CCDC102B: variants seen among roughly 807,000 people sequenced by gnomAD.
CCDC102B encodes the protein coiled-coil domain-containing protein 102B.
In CCDC102B, 75 loss-of-function variants were observed where a neutral mutation model predicts 57.4. The ratio of observed to expected loss-of-function variants is 1.31; its 90% confidence interval spans 1.08 to 1.58. The LOEUF is 1.58. Ranked by LOEUF, CCDC102B falls within the 40% of genes most tolerant of loss-of-function variation. The pLI is 0.00. For synonymous variants in CCDC102B, 206 were observed against 201.9 expected, an observed-to-expected ratio of 1.02 and a Z score of -0.17; for missense variants, 636 against 582.6, an observed-to-expected ratio of 1.09 and a Z score of -0.94.
chr18:68,997,729 AC>A lies in CCDC102B; in HGVS notation c.1264-13204del, dbSNP rs1156639471. 2.6e-5 allele frequency among the ~76,000 whole-genome samples: 4 copies of A among 151,912 alleles called. No individual in the cohort carries two copies. In the East Asian group the frequency reaches 7.7e-4, roughly 29 times the overall value. On this transcript the variant is annotated intron_variant, in intron 6 of 7. Transcript: ENST00000360242. Reference sequence around the variant, plus strand: ...CATCCGTGTCTTTTTAATTTCTAGAACTTTATGTAGCTTTTTAGAAAGTTCT... The same window carrying A: ...CATCCGTGTCTTTTTAATTTCTAGAATTTATGTAGCTTTTTAGAAAGTTCT...
At chr18:68,802,560 C>T (rs563457631) in intron 1 of CCDC102B, among the ~76,000 whole-genome samples, 1 of 152,092 alleles carries the variant, frequency 6.6e-6, no homozygotes, top group Non-Finnish European at 1.5e-5. Context: ...TGGATTAGAA[C>T]TAGGAGGGCT....
chr18:68,923,959 T>G (rs17079894), intron 6 of CCDC102B, among the ~76,000 whole-genome samples: 4,427 of 152,150 alleles, frequency 0.029, 118 homozygotes, highest in African/African-American at 0.069. Flanking sequence ...GCTATTATAC[T>G]TTCCTGAAAT....
chr18:68,855,495 C>A (rs1400088023), intron 4 of CCDC102B, among the ~76,000 whole-genome samples: 5 of 152,142 alleles, frequency 3.3e-5, no homozygotes, highest in Non-Finnish European at 5.9e-5. Flanking sequence ...TCATACAATT[C>A]ACCCACTTAA....
intron 2 of CCDC102B, among the ~76,000 whole-genome samples, chr18:68,788,550 T>C (rs1292258261): frequency 2.6e-5 from 4 of 151,118 alleles, no homozygotes; most frequent in Admixed American, 2.0e-4. Context: ...TAGTTAGCTC[T>C]TCTTGTTGAA....
chr18:68,862,890 CA>C (rs1354295918), intron 4 of CCDC102B, among the ~76,000 whole-genome samples: 3 of 152,022 alleles, frequency 2.0e-5, no homozygotes, highest in African/African-American at 7.2e-5. Context: ...ATTTTAATCT[CA>C]TGAACAGTAC....
Position 68,954,552 on chromosome 18 carries a change from G to A in CCDC102B, c.1264-56382G>A, listed in dbSNP as rs541238290. ...TTTGTATTCCTTTATTTGATATTGT[G>A]GAAATAATTGAATGGATATAAAAAT... On this transcript the variant is annotated intron_variant, in intron 6 of 7. Transcript: ENST00000360242. Among the ~76,000 whole-genome samples the A allele has an allele frequency of 4.6e-5, 7 of 152,212 alleles. No homozygotes were observed. The East Asian group carries it at 1.4e-3, about 29-fold the overall frequency.
intron 1 of CCDC102B, among the ~76,000 whole-genome samples, chr18:68,825,207 A>G (rs1046274272): frequency 6.6e-6 from 1 of 152,220 alleles, no homozygotes; most frequent in Non-Finnish European, 1.5e-5. Context: ...GATGAAACTG[A>G]CATGCTTAAA....
intron 6 of CCDC102B, among the ~76,000 whole-genome samples, chr18:68,911,356 T>G (rs1455904163): frequency 6.6e-6 from 1 of 152,154 alleles, no homozygotes; most frequent in East Asian, 1.9e-4. Context: ...ATAAAGCATG[T>G]TCTCACTTAC....
chr18:68,927,744 A>G (rs2041523416), intron 6 of CCDC102B, among the ~76,000 whole-genome samples: 1 of 151,940 alleles, frequency 6.6e-6, no homozygotes, highest in South Asian at 2.1e-4. Flanking sequence ...AGTTCATTGG[A>G]GAAGAGGGGT....
chr18:69,054,064 A>G lies in CCDC102B; in HGVS notation c.1469A>G (p.Gln490Arg). The G allele has an allele frequency of 6.2e-7, 1 of 1,607,526 alleles. No individual in the cohort carries two copies. Among genetic ancestry groups the G allele is most frequent in the Non-Finnish European group, 8.5e-7 (1 of 1,178,156 alleles). Residue 490 changes from glutamine (Q) to arginine (R), a missense_variant, in exon 8 of 8, where the codon CAG (glutamine) becomes CGG (arginine). Physicochemically the swap from Gln to Arg is conservative, Grantham distance 43. Coordinates refer to ENST00000360242, the MANE Select transcript of CCDC102B (RefSeq NM_024781.3). ...DDSLNQIRKLQRSLDEEKERN... is the reference protein window; with the variant it reads ...DDSLNQIRKLRRSLDEEKERN... ...TCCCTGAATCAGATCCGTAAGCTCC[A>G]GAGGTCTCTGGATGAAGAGAAAGAA...
At chr18:68,880,865 G>A (rs1036206794) in intron 5 of CCDC102B, among the ~76,000 whole-genome samples, 4 of 152,106 alleles carry the variant, frequency 2.6e-5, no homozygotes, top group Non-Finnish European at 4.4e-5. Flanking sequence ...TTACCATATT[G>A]GTTTTTATTT....
chr18:68,796,077 C>T (rs1332637112), upstream of CCDC102B, among the ~76,000 whole-genome samples: 1 of 152,128 alleles, frequency 6.6e-6, no homozygotes, highest in East Asian at 1.9e-4. Context: ...TCATGGACTT[C>T]AAGTGCATAA....
At chr18:69,013,574 A>G (rs1425290663) in intron 7 of CCDC102B, among the ~76,000 whole-genome samples, 1 of 152,214 alleles carries the variant, frequency 6.6e-6, no homozygotes, top group Non-Finnish European at 1.5e-5. Flanking sequence ...TGGTAAGAAA[A>G]TATGTTGAAG....
chr18:69,010,906 T>C, intron 6 of CCDC102B, 28 bp from the exon 7 acceptor site: 1 of 1,528,448 alleles, frequency 6.5e-7, no homozygotes, highest in South Asian at 1.3e-5. Flanking sequence ...AGACTATAAA[T>C]AATGTAATTT....
chr18:68,780,920 G>C (rs2034986525), intron 2 of CCDC102B, among the ~76,000 whole-genome samples: 1 of 152,094 alleles, frequency 6.6e-6, no homozygotes, highest in South Asian at 2.1e-4. Flanking sequence ...GAAGTGAGTA[G>C]AACATTGGAG....
intron 2 of CCDC102B, among the ~76,000 whole-genome samples, chr18:68,773,272 T>A (rs545928141): frequency 2.0e-5 from 3 of 151,994 alleles, no homozygotes; most frequent in Non-Finnish European, 4.4e-5. Flanking sequence ...TAAGAATGTG[T>A]CTGAGTGAAA....
chr18:68,998,967 CATATATATATAT>C (rs377246950), intron 6 of CCDC102B, among the ~76,000 whole-genome samples: 1,033 of 91,846 alleles, frequency 0.011, 10 homozygotes, highest in East Asian at 0.046. Flanking sequence ...ACATAATCAT[CATATATATATAT>C]ATATATATAT....
At chr18:68,862,722 A>G (rs1017756610) in intron 4 of CCDC102B, among the ~76,000 whole-genome samples, 1 of 152,092 alleles carries the variant, frequency 6.6e-6, no homozygotes, top group Non-Finnish European at 1.5e-5. Flanking sequence ...TAAACCAGAA[A>G]TCTTTATGCT....
chr18:68,969,554 A>ATGGTACAC (rs905997382), intron 6 of CCDC102B, among the ~76,000 whole-genome samples: 1 of 150,618 alleles, frequency 6.6e-6, no homozygotes, highest in African/African-American at 2.4e-5. Context: ...TATAGCAGAC[A>ATGGTACAC]TGGTACACAG....
Sources: gnomAD v4.1 joint callset for allele counts (sites outside exome capture counted in the v4.1 genomes callset) on GRCh38, gnomAD v4.1.1 for gene constraint, MANE v1.5 for transcripts, NCBI Gene and HGNC (gene_info 2026-07-23, HGNC 2026-07-21) for gene names.